MEIS1: variants seen among roughly 807,000 people sequenced by gnomAD.
MEIS1 encodes the protein homeobox protein Meis1.
A neutral mutation model predicts 50.8 loss-of-function variants in MEIS1; 5 were observed. That is an observed-to-expected ratio of 0.10 (90% CI 0.05 to 0.21). MEIS1 has a LOEUF of 0.21. Among genes scored for constraint, MEIS1 ranks in the 10% least tolerant of loss-of-function variants. MEIS1 has a pLI of 1.00. For missense variants in MEIS1, 318 were observed against 517.3 expected (o/e 0.61, Z 3.74); for synonymous variants, 176 against 179.3 (o/e 0.98, Z 0.15).
At position 66,573,494 on chromosome 2, in the gene MEIS1, C is replaced by G. The variant is rs564379935; in HGVS notation, c.*2286C>G. On this transcript the variant is annotated 3_prime_UTR_variant, in exon 13 of 13. Transcript: ENST00000272369. ...TTCAGGCCCAAGTCACCCTATAAACCGGCCCTTAGCAATTCTATTTTCTAT... is the reference window on the plus strand; with the variant it reads ...TTCAGGCCCAAGTCACCCTATAAACGGGCCCTTAGCAATTCTATTTTCTAT... The G allele has an allele frequency of 3.3e-5, 5 of 152,282 alleles. No individual in the cohort carries two copies. Among genetic ancestry groups the G allele is most frequent in the Admixed American group, 2.6e-4 (4 of 15,306 alleles). The allele number at this position is 152,282 out of a possible 1,614,324, so 9.4% of individuals were successfully genotyped here.
chr2:66,506,463 G>A (rs1242012562), intron 7 of MEIS1, among the ~76,000 whole-genome samples: 1 of 152,162 alleles, frequency 6.6e-6, no homozygotes, highest in Admixed American at 6.5e-5. Flanking sequence ...GACCGGAGGT[G>A]GAGCTGTGAG....
At chr2:66,438,083 C>T in intron 2 of MEIS1, 120 bp downstream of exon 2, 3 of 930,608 alleles carry the variant, frequency 3.2e-6, no homozygotes, top group Non-Finnish European at 4.7e-6. Context: ...GGTGACTTTT[C>T]ATTCACATTT....
intron 8 of MEIS1, among the ~76,000 whole-genome samples, chr2:66,513,123 A>G (rs182464749): frequency 5.9e-5 from 9 of 152,292 alleles, no homozygotes; most frequent in South Asian, 2.1e-4. Context: ...TACAATGAAG[A>G]TTTGTGGATA....
intron 7 of MEIS1, among the ~76,000 whole-genome samples, chr2:66,466,974 GAAAGA>G (rs1424299670): frequency 5.3e-5 from 8 of 150,542 alleles, no homozygotes; most frequent in Non-Finnish European, 8.9e-5. Flanking sequence ...AGAAAGAAAG[GAAAGA>G]AAAGAAAACA....
At chr2:66,465,266 A>C (rs1186573881) in intron 7 of MEIS1, among the ~76,000 whole-genome samples, 1 of 152,234 alleles carries the variant, frequency 6.6e-6, no homozygotes. Context: ...ACTTCAACAA[A>C]TATAATTTTA....
intron 12 of MEIS1, chr2:66,569,884 G>A (rs1423925317): frequency 6.6e-6 from 1 of 152,552 alleles, no homozygotes; most frequent in Admixed American, 6.5e-5. Context: ...TCAGTGGCAG[G>A]CCTAGTGAAG....
At chr2:66,484,991 T>A (rs980283832) in intron 7 of MEIS1, among the ~76,000 whole-genome samples, 4 of 152,176 alleles carry the variant, frequency 2.6e-5, no homozygotes, top group African/African-American at 9.7e-5. Context: ...GACGAGATTT[T>A]TTTTGGGGGG....
chr2:66,541,326 C>T (rs948403459), intron 8 of MEIS1, among the ~76,000 whole-genome samples: 12 of 151,962 alleles, frequency 7.9e-5, no homozygotes, highest in East Asian at 1.9e-4. Flanking sequence ...TGTGAGCCAC[C>T]GCACAGGCAG....
At chr2:66,503,911 A>AT (rs1002000224) in intron 7 of MEIS1, among the ~76,000 whole-genome samples, 1 of 151,402 alleles carries the variant, frequency 6.6e-6, no homozygotes, top group African/African-American at 2.4e-5. Flanking sequence ...TGCCTGGCTA[A>AT]TTTTTTTGTA....
At chr2:66,438,021 G>A in intron 2 of MEIS1, 58 bp downstream of exon 2, 1 of 1,404,268 alleles carries the variant, frequency 7.1e-7, no homozygotes, top group Non-Finnish European at 9.7e-7. Flanking sequence ...CTCTTTCTCT[G>A]TGCCCTTGGT....
intron 8 of MEIS1, among the ~76,000 whole-genome samples, chr2:66,538,885 T>TG (rs1404024379): frequency 7.9e-5 from 12 of 152,176 alleles, no homozygotes; most frequent in East Asian, 5.8e-4. Flanking sequence ...GAGTTTTTTT[T>TG]TTTTTTTTGT....
rs570393649 is a variant in MEIS1, at chr2:66,549,225, C to T, written c.965+1206C>T. Among the ~76,000 whole-genome samples, 4 of 152,222 alleles carry T rather than the reference C, an allele frequency of 2.6e-5. No individual in the cohort carries two copies. The East Asian group carries it at 5.8e-4, about 22-fold the overall frequency. ...TTGGAGGATTAATTTACAAAGTGCA[C>T]TATCTGCAAGACACAGACAGACTCA... On this transcript the variant is annotated intron_variant, in intron 9 of 12. Transcript: ENST00000272369.
intron 2 of MEIS1, chr2:66,439,536 A>T (rs1405505192): frequency 1.5e-5 from 23 of 1,500,210 alleles, no homozygotes; most frequent in Non-Finnish European, 1.9e-5. Context: ...ACTTAATTCA[A>T]AATGGCTGCT....
At chr2:66,441,623 TTCGCAGTTTAATTA>T (rs1671985304) in intron 5 of MEIS1, 159 bp downstream of exon 5, 3 of 607,664 alleles carry the variant, frequency 4.9e-6, no homozygotes, top group Non-Finnish European at 8.2e-6. Flanking sequence ...TCCATTTCTC[TTCGCAGTTTAATTA>T]CAATTTCAGC....
intron 5 of MEIS1, chr2:66,441,824 G>T: frequency 4.6e-6 from 1 of 219,710 alleles, no homozygotes; most frequent in East Asian, 1.5e-4. Flanking sequence ...TCTCTTCTTT[G>T]CTACCTCTGA....
chr2:66,483,151 T>C (rs1673057112), intron 7 of MEIS1, among the ~76,000 whole-genome samples: 1 of 152,154 alleles, frequency 6.6e-6, no homozygotes, highest in South Asian at 2.1e-4. Flanking sequence ...AGCTGATTAA[T>C]TTTTCTCTGT....
chr2:66,479,808 G>A (rs534217271), intron 7 of MEIS1, among the ~76,000 whole-genome samples: 8 of 152,176 alleles, frequency 5.3e-5, no homozygotes, highest in South Asian at 4.2e-4. Flanking sequence ...AAGAAGCCCC[G>A]GGCCATGAAG....
intron 6 of MEIS1, among the ~76,000 whole-genome samples, chr2:66,458,981 T>C (rs754226266): frequency 4.4e-4 from 67 of 152,182 alleles, no homozygotes; most frequent in Non-Finnish European, 9.4e-4. Flanking sequence ...AAATAAGATG[T>C]AGGCCAGGAT....
intron 5 of MEIS1, 55 bp from the exon 6 acceptor site, chr2:66,442,847 G>A: frequency 6.7e-7 from 1 of 1,486,532 alleles, no homozygotes. Flanking sequence ...ACTTGTCAAT[G>A]TCATTTATGC....
Sources: allele counts gnomAD v4.1 joint callset (sites outside exome capture counted in the v4.1 genomes callset), GRCh38; gene constraint gnomAD v4.1.1; transcripts MANE v1.5; gene names NCBI Gene and HGNC (gene_info 2026-07-23, HGNC 2026-07-21).